CSMD1: variants seen among roughly 807,000 people sequenced by gnomAD.
CSMD1 encodes the protein CUB and Sushi multiple domains 1, also known as CUB and sushi domain-containing protein 1.
In CSMD1, 213 loss-of-function variants were observed where a neutral mutation model predicts 417.5. The ratio of observed to expected loss-of-function variants is 0.51; its 90% confidence interval spans 0.46 to 0.57. CSMD1 has a LOEUF of 0.57. CSMD1 is among the 20% of genes least tolerant of loss of function. The probability of loss-of-function intolerance (pLI) is 0.00; values close to 1 mark genes in which losing one functional copy is unlikely to be tolerated. For missense variants in CSMD1, 6,923 were observed against 4,529.7 expected, an observed-to-expected ratio of 1.53 and a Z score of -15.17; for synonymous variants, 2,862 against 1,736.8, an observed-to-expected ratio of 1.65 and a Z score of -16.11.
intron 12 of CSMD1, among the ~76,000 whole-genome samples, chr8:3,434,641 A>C (rs1396251392): frequency 6.6e-6 from 1 of 152,184 alleles, no homozygotes; most frequent in African/African-American, 2.4e-5. Context: ...ATCTCAACCT[A>C]ATTGTTTGAT....
At chr8:3,388,955 G>C (rs1034771386) in intron 17 of CSMD1, among the ~76,000 whole-genome samples, 2 of 149,246 alleles carry the variant, frequency 1.3e-5, no homozygotes, top group Non-Finnish European at 3.0e-5. Context: ...ACTTTCAGAG[G>C]CATTGTTTAT....
intron 50 of CSMD1, among the ~76,000 whole-genome samples, chr8:3,040,353 G>A (rs73505064): frequency 0.013 from 1,826 of 145,598 alleles, 35 homozygotes; most frequent in African/African-American, 0.043. Flanking sequence ...GAGTGAAAGG[G>A]AAAATCAAGG....
chr8:3,479,033 C>T (rs897655842), intron 11 of CSMD1, among the ~76,000 whole-genome samples: 1 of 152,054 alleles, frequency 6.6e-6, no homozygotes, highest in Admixed American at 6.5e-5. Context: ...CCATGCACTC[C>T]AAGCCTGGGA....
At chr8:3,669,166 A>C (rs1220644599) in intron 7 of CSMD1, among the ~76,000 whole-genome samples, 1 of 152,238 alleles carries the variant, frequency 6.6e-6, no homozygotes, top group Non-Finnish European at 1.5e-5. Context: ...AAGCACGTAC[A>C]AATGAGCATA....
At chr8:4,687,808 C>G (rs576078334) in intron 1 of CSMD1, among the ~76,000 whole-genome samples, 1 of 146,056 alleles carries the variant, frequency 6.8e-6, no homozygotes, top group Non-Finnish European at 1.5e-5. Context: ...CATGCACAGA[C>G]AGATACACAC....
intron 4 of CSMD1, among the ~76,000 whole-genome samples, chr8:4,012,846 C>T (rs2740944): frequency 1.7e-4 from 25 of 151,344 alleles, no homozygotes; most frequent in Admixed American, 1.3e-3. Flanking sequence ...AGAAGACACA[C>T]GGTGCCATCC....
At chr8:4,523,013 G>C (rs1190730036) in intron 2 of CSMD1, among the ~76,000 whole-genome samples, 1 of 152,150 alleles carries the variant, frequency 6.6e-6, no homozygotes, top group African/African-American at 2.4e-5. Flanking sequence ...AGTAGGGCTT[G>C]TGTTAATGAC....
At chr8:4,309,180 C>G (rs1319988093) in intron 3 of CSMD1, among the ~76,000 whole-genome samples, 1 of 152,078 alleles carries the variant, frequency 6.6e-6, no homozygotes, top group African/African-American at 2.4e-5. Flanking sequence ...TGTGGAGATT[C>G]TGAAGGTTAC....
intron 2 of CSMD1, among the ~76,000 whole-genome samples, chr8:4,535,196 G>A (rs1188806079): frequency 2.0e-5 from 3 of 152,078 alleles, no homozygotes; most frequent in South Asian, 2.1e-4. Context: ...ATAAAGAACT[G>A]CTTGAAATAT....
intron 1 of CSMD1, among the ~76,000 whole-genome samples, chr8:4,830,731 G>C (rs189773426): frequency 6.6e-6 from 1 of 152,244 alleles, no homozygotes; most frequent in Non-Finnish European, 1.5e-5. Flanking sequence ...TTGTATCTTC[G>C]CTTAATTGGA....
chr8:3,930,504 G>C (rs918132920), intron 5 of CSMD1, among the ~76,000 whole-genome samples: 4 of 150,242 alleles, frequency 2.7e-5, no homozygotes, highest in African/African-American at 9.9e-5. Flanking sequence ...TCCTTCCTTT[G>C]TTCTCCTCTG....
In CSMD1 at chr8:2,962,629, G is replaced by A. The variant is rs767013119; in HGVS notation, c.9465C>T (p.Cys3155=). The A allele has an allele frequency of 6.8e-6, 11 of 1,613,414 alleles. No homozygotes were observed. Among genetic ancestry groups the A allele is most frequent in the African/African-American group, 5.3e-5 (4 of 74,906 alleles). ...CTTCTGCGGGGATGCCAGGGTCTCC[G>A]CAGAACACAGCTATGGAAGATAACC... ...GEIPQCLPVF[C]GDPGIPAEGR... The change falls in exon 61 of 70, where the codon TGC becomes TGT. Residue 3155 remains cysteine (C), a synonymous_variant. Transcript: ENST00000635120.
intron 1 of CSMD1, among the ~76,000 whole-genome samples, chr8:4,772,190 G>A (rs1796635208): frequency 6.6e-6 from 1 of 152,056 alleles, no homozygotes; most frequent in Non-Finnish European, 1.5e-5. Flanking sequence ...GCTGGCTGAT[G>A]TCCACGCATC....
intron 5 of CSMD1, among the ~76,000 whole-genome samples, chr8:3,826,140 G>A (rs373420766): frequency 3.7e-4 from 56 of 152,168 alleles, no homozygotes; most frequent in African/African-American, 1.2e-3. Context: ...CTCACACTGC[G>A]AATGAATACA....
At chr8:3,453,608 G>A (rs1003847319) in intron 12 of CSMD1, among the ~76,000 whole-genome samples, 3 of 152,186 alleles carry the variant, frequency 2.0e-5, no homozygotes, top group Admixed American at 6.5e-5. Context: ...CAGTTTCCAT[G>A]TAACTGAGTA....
chr8:3,257,129 C>G (rs1800710691), intron 26 of CSMD1, among the ~76,000 whole-genome samples: 1 of 152,150 alleles, frequency 6.6e-6, no homozygotes, highest in African/African-American at 2.4e-5. Flanking sequence ...TGAGACCAGC[C>G]TGGCCAACAT....
intron 1 of CSMD1, among the ~76,000 whole-genome samples, chr8:4,793,936 G>C (rs957521562): frequency 2.6e-5 from 4 of 152,030 alleles, no homozygotes; most frequent in Non-Finnish European, 5.9e-5. Flanking sequence ...TGAGGTTTGT[G>C]TGAAAATGAA....
intron 5 of CSMD1, among the ~76,000 whole-genome samples, chr8:3,958,596 A>G (rs1210554169): frequency 2.0e-5 from 3 of 152,160 alleles, no homozygotes; most frequent in South Asian, 2.1e-4. Context: ...ATCCATTCAC[A>G]TACCCGCATT....
At chr8:3,594,218 C>T (rs139875788) in intron 8 of CSMD1, among the ~76,000 whole-genome samples, 32 of 152,216 alleles carry the variant, frequency 2.1e-4, no homozygotes, top group African/African-American at 6.5e-4. Context: ...AGACATGAGG[C>T]GAGCCCTGGA....
Sources: allele counts gnomAD v4.1 joint callset (sites outside exome capture counted in the v4.1 genomes callset), GRCh38; gene constraint gnomAD v4.1.1; transcripts MANE v1.5; gene names NCBI Gene and HGNC (gene_info 2026-07-23, HGNC 2026-07-21).